The following PCTP variants were observed in gnomAD, a reference collection of about 807,000 sequenced individuals.
PCTP encodes START domain-containing protein 2.
A neutral mutation model predicts 31.0 loss-of-function variants in PCTP; 27 were observed. The ratio of observed to expected loss-of-function variants is 0.87; its 90% CI spans 0.64 to 1.20. PCTP has a LOEUF of 1.20. Among genes scored for constraint, PCTP ranks in the 50% most tolerant of loss-of-function variants. PCTP has a pLI of 0.00. For missense variants in PCTP, 287 were observed against 268.2 expected (o/e 1.07, Z -0.49); for synonymous variants, 108 against 101.2 (o/e 1.07, Z -0.40).
chr17:55,781,028 A>T (rs1372094944), downstream of PCTP, among the ~76,000 whole-genome samples: 2 of 152,076 alleles, frequency 1.3e-5, no homozygotes, highest in Non-Finnish European at 2.9e-5. Flanking sequence ...AAAAAAAAAA[A>T]AATAGCAGCT....
intron 3 of PCTP, among the ~76,000 whole-genome samples, chr17:55,793,490 G>A (rs911599264): frequency 6.6e-6 from 1 of 151,974 alleles, no homozygotes; most frequent in Non-Finnish European, 1.5e-5. Flanking sequence ...ATCATCTGAG[G>A]CTCAATTGAA....
At chr17:55,790,145 C>G (rs1344291365) in intron 3 of PCTP, among the ~76,000 whole-genome samples, 15 of 152,170 alleles carry the variant, frequency 9.9e-5, no homozygotes, top group African/African-American at 3.4e-4. Flanking sequence ...GTATTGATGG[C>G]ATGTATCTCA....
At chr17:55,829,227 T>A (rs918742378) in intron 5 of PCTP, among the ~76,000 whole-genome samples, 7 of 147,234 alleles carry the variant, frequency 4.8e-5, no homozygotes, top group East Asian at 2.1e-4. Flanking sequence ...AAAAAAAAAA[T>A]AAAGACATAC....
chr17:55,779,684 T>C (rs1308537077), downstream of PCTP, among the ~76,000 whole-genome samples: 1 of 152,240 alleles, frequency 6.6e-6, no homozygotes, highest in Non-Finnish European at 1.5e-5. Context: ...CCATTCATTT[T>C]TCTCCATGAT....
intron 3 of PCTP, among the ~76,000 whole-genome samples, chr17:55,792,494 T>C (rs2145008457): frequency 6.6e-6 from 1 of 152,004 alleles, no homozygotes; most frequent in Admixed American, 6.6e-5. Context: ...AAATAAAATA[T>C]CTCACATAAC....
chr17:55,779,421 C>A (rs1045097019), downstream of PCTP, among the ~76,000 whole-genome samples: 4 of 152,162 alleles, frequency 2.6e-5, no homozygotes, highest in African/African-American at 9.7e-5. Context: ...GACAGAAGAA[C>A]CATTTGCACA....
intron 3 of PCTP, among the ~76,000 whole-genome samples, chr17:55,802,318 A>T (rs1159335430): frequency 6.6e-6 from 1 of 152,222 alleles, no homozygotes; most frequent in Non-Finnish European, 1.5e-5. Context: ...TTCTTCTGAA[A>T]CTATTCCAAA....
At chr17:55,794,787 G>A (rs1206018960) in intron 3 of PCTP, among the ~76,000 whole-genome samples, 3 of 152,016 alleles carry the variant, frequency 2.0e-5, no homozygotes, top group Admixed American at 2.0e-4. Context: ...CTCCTGCCAA[G>A]AGACCACAAG....
intron 4 of PCTP, among the ~76,000 whole-genome samples, chr17:55,774,173 A>T (rs561593791): frequency 1.3e-5 from 2 of 152,238 alleles, no homozygotes; most frequent in South Asian, 4.2e-4. Flanking sequence ...TAAGCCAGAG[A>T]GTTTAGAAAG....
rs575941818 is a variant in PCTP, at chr17:55,764,026, A to G, written c.142-3309A>G. On this transcript the variant is annotated intron_variant, in intron 1 of 5. Transcript: ENST00000268896. ...TTGTCGCAATCGTTCATTCTTCTGT[A>G]CTCACGCAAATTATGGTTGTTCTAT... Among the ~76,000 whole-genome samples, 3 of 152,258 alleles carry G rather than the reference A, an allele frequency of 2.0e-5. No homozygotes were observed. The South Asian group carries it at 6.2e-4, about 32-fold the overall frequency.
intron 2 of PCTP, among the ~76,000 whole-genome samples, chr17:55,785,116 A>G (rs985267461): frequency 6.6e-6 from 1 of 152,240 alleles, no homozygotes; most frequent in African/African-American, 2.4e-5. Flanking sequence ...GAGTGATGGG[A>G]TGTTACATCC....
the PCTP span, among the ~76,000 whole-genome samples, chr17:55,848,700 T>A: frequency 6.6e-6 from 1 of 152,182 alleles, no homozygotes; most frequent in Non-Finnish European, 1.5e-5. Flanking sequence ...AGGTGATAAC[T>A]GTGGCCCAAC....
chr17:55,833,119 A>C (rs1030732718), intron 5 of PCTP, among the ~76,000 whole-genome samples: 1 of 152,196 alleles, frequency 6.6e-6, no homozygotes, highest in Non-Finnish European at 1.5e-5. Flanking sequence ...AATATCACTC[A>C]GGGGAGTTGC....
At position 55,799,069 on chromosome 17, in the gene PCTP, TG is replaced by T. The variant is rs374610338; in HGVS notation, c.317+11423del. ...ATTTGTAAAAGGATTAGTAAGCTAA[TG>T]GGGGGGGAATGCAATAATAAAGAAT... On this transcript the variant is annotated intron_variant, in intron 3 of 3. Transcript: ENST00000572536. Among the ~76,000 whole-genome samples the T allele has an allele frequency of 1.1e-3, 167 of 151,240 alleles. 1 individual carries two copies. Among genetic ancestry groups the T allele is most frequent in the Middle Eastern group, 6.8e-3 (2 of 292 alleles).
chr17:55,780,689 A>T (rs1444940835), downstream of PCTP, among the ~76,000 whole-genome samples: 2 of 152,184 alleles, frequency 1.3e-5, no homozygotes, highest in African/African-American at 4.8e-5. Context: ...GTATCTTATG[A>T]TTGCAAAGTC....
chr17:55,836,914 A>T (rs1388201107), intron 5 of PCTP, among the ~76,000 whole-genome samples: 2 of 152,216 alleles, frequency 1.3e-5, no homozygotes, highest in Admixed American at 6.5e-5. Context: ...GGGAATGTAC[A>T]TCAAGGGGAT....
intron 4 of PCTP, 45 bp downstream of exon 4, chr17:55,773,940 C>A: frequency 1.3e-6 from 2 of 1,534,092 alleles, no homozygotes; most frequent in East Asian, 2.4e-5. Context: ...AGGGGTCCCC[C>A]ACGGGAGGGC....
At chr17:55,831,187 G>A (rs749028778) in intron 5 of PCTP, among the ~76,000 whole-genome samples, 1 of 152,144 alleles carries the variant, frequency 6.6e-6, no homozygotes, top group South Asian at 2.1e-4. Context: ...TTTAAAAAGC[G>A]ACTCGGTAGC....
chr17:55,817,625 T>A (rs1912966944), intron 3 of PCTP, among the ~76,000 whole-genome samples: 1 of 152,184 alleles, frequency 6.6e-6, no homozygotes, highest in Non-Finnish European at 1.5e-5. Flanking sequence ...GTTTGCCTTA[T>A]GGAGAACTGA....
Sources: allele counts gnomAD v4.1 joint callset (sites outside exome capture counted in the v4.1 genomes callset), GRCh38; gene constraint gnomAD v4.1.1; transcripts MANE v1.5; gene names NCBI Gene and HGNC (gene_info 2026-07-23, HGNC 2026-07-21).